The following ETS1 variants were observed in gnomAD, a reference collection of about 807,000 sequenced individuals.
The protein encoded by ETS1 is protein C-ets-1.
In ETS1, 15 loss-of-function variants were observed where a neutral mutation model predicts 58.6. The ratio of observed to expected loss-of-function variants is 0.26; its 90% CI spans 0.17 to 0.39. ETS1 has a LOEUF of 0.39. Ranked by LOEUF, ETS1 falls within the 10% of genes least tolerant of loss-of-function variation. The probability of loss-of-function intolerance (pLI) is 1.00; values close to 1 mark genes in which losing one functional copy is unlikely to be tolerated. For synonymous variants in ETS1, 214 were observed against 218.2 expected, an observed-to-expected ratio of 0.98 and a Z score of 0.17; for missense variants, 417 against 610.5, an observed-to-expected ratio of 0.68 and a Z score of 3.34.
In ETS1 at chr11:128,549,424, A is replaced by C. The variant is rs985867502; in HGVS notation, c.214+6867T>G. On this transcript the variant is annotated intron_variant, in intron 3 of 9. Coordinates refer to ENST00000392668, the MANE Select transcript of ETS1 (RefSeq NM_001143820.2). This position sits in a 1 kb window ranked among gnomAD's most constrained non-coding sequence, Gnocchi z 4.3. ...GTCCCACCCCCGTGCGAGGAGTTCC[A>C]GGAGAGGGGTCAAACTGCTTGAATC... 6.6e-6 allele frequency among the ~76,000 whole-genome samples: 1 copy of C among 152,202 alleles called. No homozygotes were observed. The highest frequency in any genetic ancestry group is 6.5e-5 in the Admixed American group (1 of 15,286).
chr11:128,584,990 G>GAAA lies in ETS1; in HGVS notation c.-15+2497_-15+2498insTTT, dbSNP rs1209800100. The stretch of plus-strand genomic sequence containing the variant: ...AGAAAGAAAGAAAGAAAGAAAGAAA[G>GAAA]GAAGGAAGGAAGGAAAGAAAGGAAA... On this transcript the variant is annotated intron_variant, in intron 1 of 9. Coordinates refer to ENST00000392668, the MANE Select transcript of ETS1 (RefSeq NM_001143820.2). Among the ~76,000 whole-genome samples, 161 of 37,704 alleles carry GAAA rather than the reference G, an allele frequency of 4.3e-3. 10 individuals are homozygous for GAAA. Among genetic ancestry groups the GAAA allele is most frequent in the African/African-American group, 0.015 (99 of 6,824 alleles). The allele number at this position is 37,704 out of a possible 152,430, so 24.7% of individuals were successfully genotyped here. A position where few individuals can be genotyped will look rare whatever the true frequency, so the allele number is the denominator to read the frequency against.
intron 3 of ETS1, among the ~76,000 whole-genome samples, chr11:128,552,823 G>GCTACCGTTACC (rs1304749418): frequency 6.6e-5 from 10 of 152,180 alleles, no homozygotes; most frequent in African/African-American, 1.9e-4. Flanking sequence ...TCTGAGGCTC[G>GCTACCGTTACC]CTACCGTTAC....
At chr11:128,561,832 A>C (rs1195248482) in intron 2 of ETS1, among the ~76,000 whole-genome samples, 1 of 152,206 alleles carries the variant, frequency 6.6e-6, no homozygotes, top group African/African-American at 2.4e-5. Context: ...AGGTGAATGC[A>C]TGATGGGAGA....
chr11:128,515,653 AATT>A (rs1863504270), intron 3 of ETS1, among the ~76,000 whole-genome samples: 1 of 152,140 alleles, frequency 6.6e-6, no homozygotes, highest in South Asian at 2.1e-4. Flanking sequence ...ATTCTGATGC[AATT>A]ATTAATAGTG....
At chr11:128,545,023 G>C (rs892876194) in intron 3 of ETS1, among the ~76,000 whole-genome samples, 13 of 108,684 alleles carry the variant, frequency 1.2e-4, no homozygotes, top group African/African-American at 8.8e-5. Flanking sequence ...GGTTGGGGGT[G>C]GGGGGGGCAG....
intron 3 of ETS1, among the ~76,000 whole-genome samples, chr11:128,546,681 G>T (rs1467603695): frequency 6.6e-6 from 1 of 152,032 alleles, no homozygotes; most frequent in Non-Finnish European, 1.5e-5. Flanking sequence ...CTCTGAAGTT[G>T]GTTGAATCCA....
intron 3 of ETS1, among the ~76,000 whole-genome samples, chr11:128,550,132 A>G (rs1162433530): frequency 6.6e-6 from 1 of 152,224 alleles, no homozygotes; most frequent in Non-Finnish European, 1.5e-5. Context: ...AGCTCAGTGG[A>G]CTTAGCCAAG....
intron 2 of ETS1, among the ~76,000 whole-genome samples, chr11:128,565,502 C>A (rs1864478632): frequency 6.6e-6 from 1 of 152,132 alleles, no homozygotes; most frequent in Admixed American, 6.5e-5. Flanking sequence ...GAGGAAACTC[C>A]AGTAATTCAT....
Position 128,489,411 on chromosome 11 carries a change from G to A in ETS1, c.414C>T (p.Asp138=). ...AVNEFSLKGV[D]FQKFCMNGAA... Reference sequence around the variant, plus strand: ...CTCCATTCATACAGAACTTCTGGAAGTCTACACCTTTCAGGCTGAATTCAT... The same window carrying A: ...CTCCATTCATACAGAACTTCTGGAAATCTACACCTTTCAGGCTGAATTCAT... The change falls in exon 5 of 10, where the codon GAC becomes GAT. Residue 138 remains aspartate, a synonymous_variant. Transcript: ENST00000392668. 1.9e-6 allele frequency: 3 copies of A among 1,614,146 alleles called. No homozygotes were observed. Among genetic ancestry groups the A allele is most frequent in the Non-Finnish European group, 1.7e-6 (2 of 1,180,018 alleles).
At chr11:128,478,395 G>A (rs569318832) in intron 8 of ETS1, among the ~76,000 whole-genome samples, 31 of 128,038 alleles carry the variant, frequency 2.4e-4, no homozygotes, top group African/African-American at 9.3e-4. Context: ...AAGGGAGGGA[G>A]GGAGGAAGGG....
At chr11:128,522,325 T>C in intron 3 of ETS1, 5 of 1,043,026 alleles carry the variant, frequency 4.8e-6, no homozygotes, top group Non-Finnish European at 5.8e-6. Context: ...CCGCTCTCCC[T>C]CCCTCTCGCC....
At chr11:128,478,965 CT>C (rs1294637641) in intron 8 of ETS1, among the ~76,000 whole-genome samples, 1 of 152,168 alleles carries the variant, frequency 6.6e-6, no homozygotes, top group Non-Finnish European at 1.5e-5. Context: ...CATTCCTGGC[CT>C]TGACCTTGTT....
At chr11:128,489,985 A>G (rs1297417045) in intron 4 of ETS1, among the ~76,000 whole-genome samples, 2 of 152,242 alleles carry the variant, frequency 1.3e-5, no homozygotes, top group African/African-American at 4.8e-5. Context: ...CATTCATTCA[A>G]ATGGCACTTG....
At chr11:128,515,267 C>T (rs534940986) in intron 3 of ETS1, among the ~76,000 whole-genome samples, 2 of 151,494 alleles carry the variant, frequency 1.3e-5, no homozygotes, top group South Asian at 2.1e-4. Flanking sequence ...CACACACACA[C>T]ACACACGCGC....
chr11:128,530,978 G>GA (rs2135531369), intron 3 of ETS1, among the ~76,000 whole-genome samples: 1 of 152,282 alleles, frequency 6.6e-6, no homozygotes, highest in East Asian at 1.9e-4. Flanking sequence ...GAATTGAATT[G>GA]AATTGAACTG....
At chr11:128,563,325 C>T (rs1017274409) in intron 2 of ETS1, among the ~76,000 whole-genome samples, 4 of 152,172 alleles carry the variant, frequency 2.6e-5, no homozygotes, top group Admixed American at 2.6e-4. Flanking sequence ...GGTGGATGGG[C>T]ACTATGATTT....
In ETS1 at chr11:128,495,910, T is replaced by C. The variant is rs1396377733; in HGVS notation, c.215-5334A>G. The stretch of plus-strand genomic sequence containing the variant: ...TTTTACATTTTTTATTTGGCAATTT[T>C]CAAACATACATAAAAGTAGAGAGAA... On this transcript the variant is annotated intron_variant, in intron 3 of 9. Coordinates refer to ENST00000392668, the MANE Select transcript of ETS1 (RefSeq NM_001143820.2). 2.0e-5 allele frequency among the ~76,000 whole-genome samples: 3 copies of C among 152,296 alleles called. No homozygotes were observed. The East Asian group carries it at 5.8e-4, about 29-fold the overall frequency.
intron 7 of ETS1, among the ~76,000 whole-genome samples, 156 bp from the exon 8 acceptor site, chr11:128,480,607 G>T (rs925969004): frequency 6.6e-6 from 1 of 152,152 alleles, no homozygotes; most frequent in African/African-American, 2.4e-5. Flanking sequence ...AGCTTCAGGG[G>T]TCATGGGTTT....
At chr11:128,506,621 C>T (rs577178507) in intron 3 of ETS1, among the ~76,000 whole-genome samples, 8 of 152,074 alleles carry the variant, frequency 5.3e-5, no homozygotes, top group East Asian at 3.9e-4. Flanking sequence ...TCCAGGATGG[C>T]GCCCCTGGCA....
Sources: gnomAD v4.1 joint callset for allele counts (sites outside exome capture counted in the v4.1 genomes callset) on GRCh38, gnomAD v4.1.1 for gene constraint, Gnocchi (gnomAD v3.1) non-coding constraint, MANE v1.5 for transcripts, NCBI Gene and HGNC (gene_info 2026-07-23, HGNC 2026-07-21) for gene names.